The following CELF2 variants were observed in gnomAD, a reference collection of about 807,000 sequenced individuals.
CELF2 encodes the protein CUG triplet repeat RNA-binding protein 2.
A neutral mutation model predicts 62.6 loss-of-function variants in CELF2; 8 were observed. The observed-to-expected ratio is 0.13, with a 90% CI of 0.07 to 0.23. The LOEUF is 0.23. Ranked by LOEUF, CELF2 falls within the 10% of genes least tolerant of loss-of-function variation. The probability of loss-of-function intolerance (pLI) is 1.00; values close to 1 mark genes in which losing one functional copy is unlikely to be tolerated. For missense variants in CELF2, 333 were observed against 671.0 expected, an observed-to-expected ratio of 0.50 and a Z score of 5.56; for synonymous variants, 258 against 250.0, an observed-to-expected ratio of 1.03 and a Z score of -0.30.
intron 1 of CELF2, among the ~76,000 whole-genome samples, chr10:11,025,245 G>A (rs7478200): frequency 1.3e-4 from 5 of 38,888 alleles, no homozygotes; most frequent in South Asian, 1.6e-3. Context: ...GTGTGTATAT[G>A]TATGTGACTG....
chr10:10,617,221 G>A, the CELF2 span, among the ~76,000 whole-genome samples: 2 of 152,174 alleles, frequency 1.3e-5, no homozygotes, highest in African/African-American at 2.4e-5. Flanking sequence ...ATAGGGTCAA[G>A]GGAAAGTCAG....
intron 1 of CELF2, among the ~76,000 whole-genome samples, chr10:11,040,030 T>G (rs1204450164): frequency 2.0e-5 from 3 of 152,206 alleles, no homozygotes; most frequent in African/African-American, 7.2e-5. Flanking sequence ...TTCAGGGAGT[T>G]CAGTGTCTCG....
At chr10:10,630,378 A>G in the CELF2 span, among the ~76,000 whole-genome samples, 8 of 152,198 alleles carry the variant, frequency 5.3e-5, no homozygotes, top group Non-Finnish European at 1.0e-4. Flanking sequence ...TAGGCAAGGA[A>G]TGCTGTGTCG....
chr10:11,006,519 A>C (rs1053693519), intron 1 of CELF2, among the ~76,000 whole-genome samples: 1 of 152,192 alleles, frequency 6.6e-6, no homozygotes, highest in Non-Finnish European at 1.5e-5. Flanking sequence ...TTGTGATCAG[A>C]CCTGCCTCTA....
intron 1 of CELF2, among the ~76,000 whole-genome samples, chr10:10,832,514 A>G (rs2057952697): frequency 6.6e-6 from 1 of 152,214 alleles, no homozygotes; most frequent in Admixed American, 6.5e-5. Flanking sequence ...CTGGACCTCA[A>G]CTTCTGGACA....
chr10:10,777,316 G>C, the CELF2 span, among the ~76,000 whole-genome samples: 1 of 152,146 alleles, frequency 6.6e-6, no homozygotes, highest in Non-Finnish European at 1.5e-5. Flanking sequence ...AGATGTCCCA[G>C]GTGCTACAAA....
rs1021272078 is a variant in CELF2 at position 11,211,823 on chromosome 10, T to C, written c.272-5602T>C. 4.1e-5 allele frequency among the ~76,000 whole-genome samples: 6 copies of C among 145,508 alleles called. No individual in the cohort carries two copies. Among genetic ancestry groups the C allele is most frequent in the African/African-American group, 5.2e-5 (2 of 38,430 alleles). On this transcript the variant is annotated intron_variant, in intron 2 of 12. Coordinates refer to ENST00000633077, the MANE Select transcript of CELF2 (RefSeq NM_001326342.2). This position sits in a 1 kb window ranked among gnomAD's most constrained non-coding sequence, Gnocchi z 4.8. ...GAGAGAGAGAGAGAGAGTGTGTGTGTGTGTGTGTGTGTGTGTGTGTGTGTG... is the reference window on the plus strand; with the variant it reads ...GAGAGAGAGAGAGAGAGTGTGTGTGCGTGTGTGTGTGTGTGTGTGTGTGTG...
upstream of CELF2, among the ~76,000 whole-genome samples, chr10:10,793,978 G>GT (rs61664882): frequency 0.13 from 19,984 of 151,494 alleles, 1,635 homozygotes; most frequent in Non-Finnish European, 0.19. Context: ...TCTTTTTTTT[G>GT]TTTTTTTTGG....
rs2055833207 is a variant in CELF2 at position 11,008,899 on chromosome 10, C to G, written c.53+3459C>G. 1.4e-5 allele frequency among the ~76,000 whole-genome samples: 2 copies of G among 146,256 alleles called. No homozygotes were observed. Among genetic ancestry groups the G allele is most frequent in the African/African-American group, 2.5e-5 (1 of 40,180 alleles). On this transcript the variant is annotated intron_variant, in intron 1 of 12. Coordinates refer to the CELF2 transcript ENST00000416382. This position sits in a 1 kb window ranked among gnomAD's most constrained non-coding sequence, Gnocchi z 4.5. The stretch of plus-strand genomic sequence containing the variant: ...TGGCATTGATCTGTACTTTCTGGAA[C>G]AGTAATGAGCACAAGTCCATTCAGT...
At chr10:10,591,954 T>A in the CELF2 span, among the ~76,000 whole-genome samples, 1 of 152,232 alleles carries the variant, frequency 6.6e-6, no homozygotes, top group East Asian at 1.9e-4. Flanking sequence ...TAATTGGATA[T>A]GTATTTGTTT....
chr10:11,318,772 G>A lies in CELF2; in HGVS notation c.1097-2417G>A, dbSNP rs1350592869. ...ACCTGGAAATTAAAAAAACAGCTGTGTACAGAGAAGGGAGTTGGGTCCCAG... is the reference window on the plus strand; with the variant it reads ...ACCTGGAAATTAAAAAAACAGCTGTATACAGAGAAGGGAGTTGGGTCCCAG... On this transcript the variant is annotated intron_variant, in intron 10 of 12. Coordinates refer to ENST00000633077, the MANE Select transcript of CELF2 (RefSeq NM_001326342.2). This position sits in a 1 kb window ranked among gnomAD's most constrained non-coding sequence, Gnocchi z 5.4. 2 of 471,324 alleles carry A rather than the reference G, an allele frequency of 4.2e-6. No homozygotes were observed. The highest frequency in any genetic ancestry group is 8.8e-6 in the Non-Finnish European group (2 of 227,124). 29.2% of individuals were successfully genotyped at this position (471,324 alleles called of 1,614,324 possible).
In CELF2 at chr10:10,874,440, T is replaced by TA. The variant is rs5783183; in HGVS notation, c.54-45509dup. ...TTACCCAGATTCCATGGAAAATGGT[T>TA]AAAAAAAAAAAAAAACCTTGATTAT... is the stretch of plus-strand genomic sequence containing the variant. On this transcript the variant is annotated intron_variant, in intron 1 of 13. Coordinates refer to the CELF2 transcript ENST00000636488. Among the ~76,000 whole-genome samples, 518 of 144,926 alleles carry TA rather than the reference T, an allele frequency of 3.6e-3. 2 individuals are homozygous for TA. The highest frequency in any genetic ancestry group is 6.1e-3 in the Non-Finnish European group (402 of 65,878).
In CELF2 at chr10:10,828,141, G is replaced by T. The variant is rs76163439; in HGVS notation, c.53+29324G>T. On this transcript the variant is annotated intron_variant, in intron 1 of 13. Transcript: ENST00000636488. ...GCGAACAGAATTACCAGGTGATCCA[G>T]CAATTCTACTTCTGGGTATGTACCC... is the stretch of plus-strand genomic sequence containing the variant. Among the ~76,000 whole-genome samples, 217 of 151,998 alleles carry T rather than the reference G, an allele frequency of 1.4e-3. No homozygotes were observed. In the East Asian group the frequency reaches 0.034, roughly 24 times the overall value.
At chr10:11,061,281 T>A (rs1019609380) in intron 1 of CELF2, among the ~76,000 whole-genome samples, 2 of 152,194 alleles carry the variant, frequency 1.3e-5, no homozygotes, top group Admixed American at 6.5e-5. Flanking sequence ...GCCACAACAG[T>A]TCCTTAAGCC....
At chr10:10,803,129 G>T (rs947261607) in intron 1 of CELF2, among the ~76,000 whole-genome samples, 11 of 152,084 alleles carry the variant, frequency 7.2e-5, no homozygotes, top group Non-Finnish European at 1.5e-4. Context: ...ATCTCATTTT[G>T]CTAAGAATGC....
At chr10:10,806,272 T>C (rs2055226609) in intron 1 of CELF2, among the ~76,000 whole-genome samples, 1 of 151,684 alleles carries the variant, frequency 6.6e-6, no homozygotes, top group African/African-American at 2.4e-5. Context: ...TGGCGTGATC[T>C]TGGTTCACTG....
rs2080095791 is a variant in CELF2, at chr10:11,260,258, C to G, written c.538+2386C>G. On this transcript the variant is annotated intron_variant, in intron 5 of 12. Coordinates refer to ENST00000633077, the MANE Select transcript of CELF2 (RefSeq NM_001326342.2). The surrounding 1 kb of genome is among the most constrained non-coding windows in gnomAD (Gnocchi z 4.2). ...CCTCTGCATGTGTTAGCGGAGAGACCCCGGGCGGGCAGTATGTGTGCTTGA... is the reference window on the plus strand; with the variant it reads ...CCTCTGCATGTGTTAGCGGAGAGACGCCGGGCGGGCAGTATGTGTGCTTGA... 6.6e-6 allele frequency among the ~76,000 whole-genome samples: 1 copy of G among 152,142 alleles called. No homozygotes were observed. The highest frequency in any genetic ancestry group is 2.4e-5 in the African/African-American group (1 of 41,418).
chr10:10,860,937 A>G (rs2060014802), intron 1 of CELF2, among the ~76,000 whole-genome samples: 1 of 152,152 alleles, frequency 6.6e-6, no homozygotes, highest in Non-Finnish European at 1.5e-5. Flanking sequence ...TTATATATAT[A>G]AAAGACTGTA....
At chr10:11,149,580 C>T (rs190858978) in intron 1 of CELF2, among the ~76,000 whole-genome samples, 9 of 152,298 alleles carry the variant, frequency 5.9e-5, no homozygotes, top group African/African-American at 1.7e-4. Context: ...CGAGGCTTTG[C>T]GCCTTGTGAG....
Sources: gnomAD v4.1 joint callset for allele counts (sites outside exome capture counted in the v4.1 genomes callset) on GRCh38, gnomAD v4.1.1 for gene constraint, Gnocchi (gnomAD v3.1) non-coding constraint, MANE v1.5 for transcripts, NCBI Gene and HGNC (gene_info 2026-07-23, HGNC 2026-07-21) for gene names.